The following RPSA2 variants were observed in gnomAD, a reference collection of about 807,000 sequenced individuals.
RPSA2 encodes the protein small ribosomal subunit protein uS2B.
At chr19:23,761,088 ATG>A in the RPSA2 span, among the ~76,000 whole-genome samples, 1 of 146,492 alleles carries the variant, frequency 6.8e-6, no homozygotes, top group Non-Finnish European at 1.5e-5. Context: ...GTATATATAT[ATG>A]TGTGTGTGTG....
the RPSA2 span, among the ~76,000 whole-genome samples, chr19:23,786,763 C>CT: frequency 1.5e-4 from 23 of 152,124 alleles, no homozygotes; most frequent in South Asian, 1.0e-3. Flanking sequence ...TGACTCTCCT[C>CT]TTTTTTTCAG....
the RPSA2 span, among the ~76,000 whole-genome samples, chr19:23,850,182 G>A: frequency 6.6e-6 from 1 of 151,060 alleles, no homozygotes; most frequent in Non-Finnish European, 1.5e-5. Context: ...TTCTGCAGGA[G>A]CATCCATCCA....
chr19:23,776,966 T>A, the RPSA2 span, among the ~76,000 whole-genome samples: 2 of 152,184 alleles, frequency 1.3e-5, no homozygotes, highest in African/African-American at 2.4e-5. Flanking sequence ...CTAGGTGATA[T>A]CTTCCTGGGA....
At chr19:23,844,177 T>C in the RPSA2 span, among the ~76,000 whole-genome samples, 6 of 152,338 alleles carry the variant, frequency 3.9e-5, no homozygotes, top group East Asian at 7.7e-4. Context: ...ATATATCTAT[T>C]GGTCATTTGT....
At chr19:23,841,024 A>C in the RPSA2 span, among the ~76,000 whole-genome samples, 1 of 151,666 alleles carries the variant, frequency 6.6e-6, no homozygotes, top group East Asian at 1.9e-4. Flanking sequence ...TGAACTTTAC[A>C]TAAAACATGT....
chr19:23,772,542 T>C, the RPSA2 span, among the ~76,000 whole-genome samples: 1 of 2,806 alleles, frequency 3.6e-4, no homozygotes, highest in Non-Finnish European at 0.016. Context: ...GTCACATCCT[T>C]GGTCTCTCTT....
chr19:23,856,147 AG>A, the RPSA2 span, among the ~76,000 whole-genome samples: 1 of 152,062 alleles, frequency 6.6e-6, no homozygotes, highest in Admixed American at 6.6e-5. Context: ...AGGTAGAGAG[AG>A]GGTTGCCAGA....
At chr19:23,848,492 T>G in the RPSA2 span, among the ~76,000 whole-genome samples, 1 of 6,376 alleles carries the variant, frequency 1.6e-4, no homozygotes, top group Non-Finnish European at 8.1e-3. Flanking sequence ...TTCTGCCACC[T>G]GATCTAATGT....
At chr19:23,799,199 T>C in the RPSA2 span, 3 of 152,352 alleles carry the variant, frequency 2.0e-5, no homozygotes, top group Non-Finnish European at 4.4e-5. Flanking sequence ...TTAACTTCTT[T>C]TTTTTCTCTC....
the RPSA2 span, chr19:23,790,855 C>T: frequency 3.8e-6 from 2 of 522,256 alleles, no homozygotes; most frequent in East Asian, 7.9e-5. Context: ...GGGACTCAGG[C>T]CTCCCCGCAG....
At chr19:23,826,178 A>ATTTTTTCTTTTTTT in the RPSA2 span, among the ~76,000 whole-genome samples, 2 of 151,228 alleles carry the variant, frequency 1.3e-5, no homozygotes, top group East Asian at 3.9e-4. Flanking sequence ...CTAATTTTTA[A>ATTTTTTCTTTTTTT]TTTTTTCTTT....
chr19:23,759,249 C>T, the RPSA2 span, among the ~76,000 whole-genome samples: 1 of 152,072 alleles, frequency 6.6e-6, no homozygotes, highest in Non-Finnish European at 1.5e-5. Context: ...GTCCTGGTTT[C>T]TGGCAGCCAT....
the RPSA2 span, among the ~76,000 whole-genome samples, chr19:23,867,589 G>C: frequency 6.6e-6 from 1 of 152,170 alleles, no homozygotes; most frequent in East Asian, 1.9e-4. Context: ...CCAGCACTTT[G>C]GGAGGCAGAG....
At chr19:23,844,647 T>G in the RPSA2 span, among the ~76,000 whole-genome samples, 1 of 151,978 alleles carries the variant, frequency 6.6e-6, no homozygotes, top group Non-Finnish European at 1.5e-5. Context: ...TTTACCCTGT[T>G]ATTTTATTTG....
chr19:23,800,097 C>T, the RPSA2 span, among the ~76,000 whole-genome samples: 3 of 146,750 alleles, frequency 2.0e-5, no homozygotes, highest in Non-Finnish European at 4.5e-5. Flanking sequence ...GGTGTGATCT[C>T]AGCTCTTTGC....
chr19:23,828,652 A>G, the RPSA2 span, among the ~76,000 whole-genome samples: 1 of 150,270 alleles, frequency 6.7e-6, no homozygotes, highest in Non-Finnish European at 1.5e-5. Context: ...ATTTGATAAG[A>G]CTTCCTTTTT....
the RPSA2 span, chr19:23,843,325 C>A: frequency 6.2e-6 from 1 of 162,058 alleles, no homozygotes; most frequent in Non-Finnish European, 1.4e-5. Context: ...GTACAAAGGT[C>A]AAAAAGAATT....
the RPSA2 span, among the ~76,000 whole-genome samples, chr19:23,865,515 C>T: frequency 6.6e-6 from 1 of 152,074 alleles, no homozygotes; most frequent in African/African-American, 2.4e-5. Flanking sequence ...TCTCTTTATT[C>T]TGCCAGGCAA....
At chr19:23,870,487 C>T in the RPSA2 span, among the ~76,000 whole-genome samples, 4 of 151,408 alleles carry the variant, frequency 2.6e-5, no homozygotes, top group Non-Finnish European at 4.4e-5. Flanking sequence ...TTGCAGGGAG[C>T]TTTCACATCC....
Sources: gnomAD v4.1 joint callset for allele counts (sites outside exome capture counted in the v4.1 genomes callset) on GRCh38, gnomAD v4.1.1 for gene constraint, MANE v1.5 for transcripts, NCBI Gene and HGNC (gene_info 2026-07-23, HGNC 2026-07-21) for gene names.